Variants in RGS6 observed in about 807,000 individuals in gnomAD.
RGS6 encodes the protein regulator of G protein signaling 6, also known as regulator of G-protein signaling 6.
Under a neutral mutation model 78.5 loss-of-function variants are expected in RGS6, and 30 were observed. The ratio of observed to expected loss-of-function variants is 0.38; its 90% confidence interval spans 0.29 to 0.52. The LOEUF (loss-of-function observed/expected upper bound fraction) is 0.52, where lower values mean the gene tolerates loss of function less well. RGS6 is among the 20% of genes least tolerant of loss of function. The pLI is 0.85. For synonymous variants in RGS6, 206 were observed against 206.0 expected (o/e 1.00, Z 0.00); for missense variants, 495 against 609.7 (o/e 0.81, Z 1.98).
intron 1 of RGS6, among the ~76,000 whole-genome samples, chr14:71,945,431 C>T (rs967980723): frequency 6.6e-6 from 1 of 152,136 alleles, no homozygotes; most frequent in Non-Finnish European, 1.5e-5. Context: ...AACTCAAACA[C>T]TCAATAGACC....
At chr14:72,499,725 C>T (rs772877915) in intron 13 of RGS6, among the ~76,000 whole-genome samples, 2 of 151,866 alleles carry the variant, frequency 1.3e-5, no homozygotes, top group Non-Finnish European at 2.9e-5. Flanking sequence ...GTTCCCTCCT[C>T]GTTGGCCACT....
At chr14:72,097,035 G>C (rs2095423115) in intron 2 of RGS6, among the ~76,000 whole-genome samples, 1 of 152,208 alleles carries the variant, frequency 6.6e-6, no homozygotes, top group Non-Finnish European at 1.5e-5. Context: ...TGCCATTCTA[G>C]TACCCTCGAG....
Position 72,052,614 on chromosome 14 carries a change from A to G in RGS6, c.84+87739A>G, listed in dbSNP as rs527894495. ...GTGTCTTAATCTATAGTAAGACCTC[A>G]AAGAATTAGATTCCCTAGCATGAGG... On this transcript the variant is annotated intron_variant, in intron 2 of 17. Transcript: ENST00000553525. 9.3e-5 allele frequency among the ~76,000 whole-genome samples: 14 copies of G among 150,656 alleles called. No individual in the cohort carries two copies. The South Asian group carries it at 3.0e-3, about 32-fold the overall frequency.
chr14:72,127,114 T>G (rs920606110), intron 2 of RGS6, among the ~76,000 whole-genome samples: 1 of 152,144 alleles, frequency 6.6e-6, no homozygotes, highest in African/African-American at 2.4e-5. Context: ...TTTTCCTGTT[T>G]AAAGAGACTG....
the RGS6 span, among the ~76,000 whole-genome samples, chr14:71,923,983 C>T: frequency 1.2e-4 from 19 of 152,204 alleles, no homozygotes; most frequent in Admixed American, 1.0e-3. Context: ...GGTAATCTGC[C>T]GAGGATTTTG....
intron 2 of RGS6, among the ~76,000 whole-genome samples, chr14:72,048,053 C>G (rs940145292): frequency 2.0e-5 from 3 of 151,988 alleles, no homozygotes; most frequent in African/African-American, 7.3e-5. Flanking sequence ...GGATGAGCAT[C>G]TTATGTTTCA....
chr14:72,088,471 G>T (rs1314758438), intron 2 of RGS6, among the ~76,000 whole-genome samples: 4 of 152,214 alleles, frequency 2.6e-5, no homozygotes, highest in South Asian at 2.1e-4. Context: ...CAGAAGTGGG[G>T]CTTCATTTGA....
chr14:72,132,025 A>C (rs1405059671), intron 2 of RGS6, among the ~76,000 whole-genome samples: 1 of 152,076 alleles, frequency 6.6e-6, no homozygotes, highest in African/African-American at 2.4e-5. Context: ...AAGATTAGTC[A>C]TTTTCTTATC....
intron 1 of RGS6, among the ~76,000 whole-genome samples, chr14:71,945,371 G>T (rs950541418): frequency 6.6e-6 from 1 of 152,110 alleles, no homozygotes; most frequent in Admixed American, 6.5e-5. Context: ...AATTGTTTAA[G>T]AACTATTTGT....
chr14:72,563,702 T>C lies in RGS6; in HGVS notation c.*1235T>C, dbSNP rs3291. 0.097 allele frequency: 14,764 copies of C among 152,314 alleles called. 946 individuals carry two copies. Among genetic ancestry groups the C allele is most frequent in the South Asian group, 0.29 (1,381 of 4,812 alleles). The allele number at this position is 152,314 out of a possible 1,614,324, so 9.4% of individuals were successfully genotyped here. A position where few individuals can be genotyped will look rare whatever the true frequency, so the allele number is the denominator to read the frequency against. On this transcript the variant is annotated 3_prime_UTR_variant, in exon 18 of 18. Transcript: ENST00000553525. Reference sequence around the variant, plus strand: ...GCCAACCTGGCTGTGAGGTAATGTATGTAAAGCACCGAGTCAGGTGCCTGA... The same window carrying C: ...GCCAACCTGGCTGTGAGGTAATGTACGTAAAGCACCGAGTCAGGTGCCTGA...
chr14:71,870,955 T>C, the RGS6 span, among the ~76,000 whole-genome samples: 6 of 152,144 alleles, frequency 3.9e-5, no homozygotes, highest in Admixed American at 2.6e-4. Flanking sequence ...GTGTACAAGT[T>C]CTCCTGGGAG....
At chr14:72,119,086 A>G (rs992958693) in intron 2 of RGS6, among the ~76,000 whole-genome samples, 10 of 152,184 alleles carry the variant, frequency 6.6e-5, no homozygotes, top group African/African-American at 2.4e-4. Flanking sequence ...TTGGTGCAAA[A>G]TAATTCCGTA....
the RGS6 span, among the ~76,000 whole-genome samples, chr14:71,925,807 A>G: frequency 2.1e-3 from 304 of 147,724 alleles, 2 homozygotes; most frequent in African/African-American, 7.3e-3. Flanking sequence ...CCAGTATCAC[A>G]CTGTCTTGAT....
chr14:72,006,442 G>A (rs2084575329), intron 2 of RGS6, among the ~76,000 whole-genome samples: 1 of 152,130 alleles, frequency 6.6e-6, no homozygotes. Flanking sequence ...TTTCCGTGTT[G>A]GGCTGTTTCT....
chr14:72,365,573 T>C (rs1160915651), intron 3 of RGS6, among the ~76,000 whole-genome samples: 2 of 152,088 alleles, frequency 1.3e-5, no homozygotes, highest in Non-Finnish European at 2.9e-5. Context: ...ATTAAATTTG[T>C]TTGGTGAATT....
At chr14:72,070,087 T>TAAAAACAAAA (rs2094349687) in intron 2 of RGS6, among the ~76,000 whole-genome samples, 1 of 152,134 alleles carries the variant, frequency 6.6e-6, no homozygotes, top group South Asian at 2.1e-4. Context: ...ATTTTGTTTT[T>TAAAAACAAAA]TGTTAGTGTA....
At chr14:72,104,153 G>A (rs1043821485) in intron 2 of RGS6, among the ~76,000 whole-genome samples, 4 of 152,072 alleles carry the variant, frequency 2.6e-5, no homozygotes, top group African/African-American at 4.8e-5. Context: ...GGATGGTATC[G>A]TAGAGGTGTT....
At chr14:72,416,440 T>C (rs1250531769) in intron 3 of RGS6, among the ~76,000 whole-genome samples, 2 of 152,202 alleles carry the variant, frequency 1.3e-5, no homozygotes, top group Non-Finnish European at 2.9e-5. Flanking sequence ...TTATAAAGTA[T>C]CAGATTTGTA....
the RGS6 span, among the ~76,000 whole-genome samples, chr14:71,919,209 G>A: frequency 6.6e-6 from 1 of 152,148 alleles, no homozygotes; most frequent in Admixed American, 6.5e-5. Context: ...GAAGAGCAGA[G>A]GCTGGTTCTC....
Sources: allele counts gnomAD v4.1 joint callset (sites outside exome capture counted in the v4.1 genomes callset), GRCh38; gene constraint gnomAD v4.1.1; transcripts MANE v1.5; gene names NCBI Gene and HGNC (gene_info 2026-07-23, HGNC 2026-07-21).